F13A1: variants seen among roughly 807,000 people sequenced by gnomAD.
The protein encoded by F13A1 is FSF, A subunit.
Under a neutral mutation model 80.1 loss-of-function variants are expected in F13A1, and 47 were observed. The ratio of observed to expected loss-of-function variants is 0.59; its 90% CI spans 0.46 to 0.75. The LOEUF (loss-of-function observed/expected upper bound fraction) is 0.75. Ranked by LOEUF, F13A1 falls within the 30% of genes least tolerant of loss-of-function variation. The probability of loss-of-function intolerance (pLI) is 0.00; values close to 1 mark genes in which losing one functional copy is unlikely to be tolerated. For missense variants in F13A1, 817 were observed against 930.4 expected, an observed-to-expected ratio of 0.88 and a Z score of 1.59; for synonymous variants, 349 against 344.9, an observed-to-expected ratio of 1.01 and a Z score of -0.13.
intron 14 of F13A1, among the ~76,000 whole-genome samples, chr6:6,148,542 C>T (rs1222499393): frequency 6.6e-6 from 1 of 152,154 alleles, no homozygotes; most frequent in East Asian, 1.9e-4. Context: ...TGGAATTGCA[C>T]TTTCTAGGCG....
chr6:6,227,855 C>T (rs962587949), intron 6 of F13A1, among the ~76,000 whole-genome samples: 6 of 152,232 alleles, frequency 3.9e-5, no homozygotes, highest in African/African-American at 1.4e-4. Flanking sequence ...CTGAGCTGTT[C>T]CCCTGTTGCT....
intron 8 of F13A1, among the ~76,000 whole-genome samples, chr6:6,216,088 A>T (rs1178250546): frequency 3.3e-5 from 5 of 149,440 alleles, no homozygotes; most frequent in Admixed American, 3.3e-4. Flanking sequence ...TATCGTGAAA[A>T]TGGCCATACT....
intron 11 of F13A1, among the ~76,000 whole-genome samples, chr6:6,178,849 T>C (rs1255370485): frequency 6.6e-6 from 1 of 151,990 alleles, no homozygotes; most frequent in Admixed American, 6.5e-5. Context: ...CCAGGAAGTA[T>C]AGGAAGGTCA....
intron 8 of F13A1, among the ~76,000 whole-genome samples, chr6:6,217,063 C>A (rs1757103456): frequency 7.1e-6 from 1 of 141,344 alleles, no homozygotes; most frequent in East Asian, 2.1e-4. Flanking sequence ...AATAGGAACA[C>A]TTTTACACTA....
At chr6:6,253,305 G>C (rs555849343) in intron 4 of F13A1, among the ~76,000 whole-genome samples, 2 of 152,126 alleles carry the variant, frequency 1.3e-5, no homozygotes, top group Non-Finnish European at 2.9e-5. Flanking sequence ...GTAACTAGCA[G>C]TTCTTCCCTC....
At chr6:6,291,330 C>T (rs1297873514) in intron 3 of F13A1, among the ~76,000 whole-genome samples, 1 of 152,126 alleles carries the variant, frequency 6.6e-6, no homozygotes, top group African/African-American at 2.4e-5. Flanking sequence ...TCCCTCTCTG[C>T]CTGCTACATG....
At position 6,224,780 on chromosome 6, in the gene F13A1, C is replaced by T; in HGVS notation, c.879G>A (p.Trp293Ter). Residue 293 changes from tryptophan (W) to a stop codon, truncating the protein, a stop_gained, in exon 7 of 15, where the codon TGG (tryptophan) becomes TGA (stop). Coordinates refer to ENST00000264870, the MANE Select transcript of F13A1 (RefSeq NM_000129.4). LOFTEE classifies it high-confidence loss of function. ...CCAATAGAATGTCAACGCTTCCAGTCCAGGCCGATGGGGGGACGCCATAGG... is the reference window on the plus strand; with the variant it reads ...CCAATAGAATGTCAACGCTTCCAGTTCAGGCCGATGGGGGGACGCCATAGG... Reference protein sequence around the residue: ...IYAYGVPPSAWTGSVDILLEY... With the variant: ...IYAYGVPPSA 1.9e-6 allele frequency: 3 copies of T among 1,614,126 alleles called. No homozygotes were observed. Among genetic ancestry groups the T allele is most frequent in the Non-Finnish European group, 2.5e-6 (3 of 1,179,978 alleles).
chr6:6,304,622 G>A (rs964930353), intron 3 of F13A1, among the ~76,000 whole-genome samples: 7 of 152,134 alleles, frequency 4.6e-5, no homozygotes, highest in African/African-American at 1.4e-4. Context: ...AGCACTTTGG[G>A]AAGCTGAGGT....
At chr6:6,307,256 C>T (rs1263292156) in intron 2 of F13A1, among the ~76,000 whole-genome samples, 3 of 152,140 alleles carry the variant, frequency 2.0e-5, no homozygotes, top group Non-Finnish European at 2.9e-5. Context: ...TGCAGCATTA[C>T]GGCAAGCAGA....
chr6:6,285,838 A>G (rs550772857), intron 3 of F13A1, among the ~76,000 whole-genome samples: 132 of 152,364 alleles, frequency 8.7e-4, no homozygotes, highest in African/African-American at 2.8e-3. Flanking sequence ...CAGCTTCCCA[A>G]TAAAACCTCA....
chr6:6,201,584 G>A (rs768440308), intron 8 of F13A1, among the ~76,000 whole-genome samples: 1 of 152,314 alleles, frequency 6.6e-6, no homozygotes, highest in South Asian at 2.1e-4. Context: ...TAAGCCACCC[G>A]TGCCTCAAGA....
intron 8 of F13A1, among the ~76,000 whole-genome samples, chr6:6,207,540 A>T (rs183027486): frequency 2.0e-4 from 30 of 152,370 alleles, no homozygotes; most frequent in Non-Finnish European, 3.7e-4. Context: ...TCTGACATAG[A>T]TAGCCACAAA....
chr6:6,266,510 C>T (rs761764954), intron 4 of F13A1, 48 bp downstream of exon 4: 1 of 1,614,086 alleles, frequency 6.2e-7, no homozygotes, highest in East Asian at 2.2e-5. Context: ...TGGCACCCCG[C>T]CAAATAGGTG....
At chr6:6,219,650 G>T (rs569523393) in intron 8 of F13A1, among the ~76,000 whole-genome samples, 2 of 152,276 alleles carry the variant, frequency 1.3e-5, no homozygotes, top group South Asian at 2.1e-4. Flanking sequence ...GGGACAGCCC[G>T]CACTAACCTC....
chr6:6,286,807 AAG>A (rs1400033196), intron 3 of F13A1, among the ~76,000 whole-genome samples: 1 of 152,242 alleles, frequency 6.6e-6, no homozygotes, highest in African/African-American at 2.4e-5. Context: ...ACTGAGAAGA[AAG>A]AGGGTGAAGA....
At chr6:6,155,484 C>G (rs1051043466) in intron 13 of F13A1, among the ~76,000 whole-genome samples, 1 of 152,096 alleles carries the variant, frequency 6.6e-6, no homozygotes, top group African/African-American at 2.4e-5. Context: ...AGAAGCCCTT[C>G]TCTGGTTGTA....
At chr6:6,240,500 T>C (rs1030952244) in intron 6 of F13A1, among the ~76,000 whole-genome samples, 14 of 152,058 alleles carry the variant, frequency 9.2e-5, no homozygotes, top group African/African-American at 2.7e-4. Context: ...AAATAGAACA[T>C]TGTGTGTGAA....
At chr6:6,266,962 C>T (rs1032415300) in intron 3 of F13A1, among the ~76,000 whole-genome samples, 153 bp from the exon 4 acceptor site, 2 of 152,218 alleles carry the variant, frequency 1.3e-5, no homozygotes, top group Non-Finnish European at 2.9e-5. Context: ...CTGCAAATTA[C>T]TTTGATTGTA....
intron 6 of F13A1, among the ~76,000 whole-genome samples, chr6:6,232,587 C>T (rs1269551906): frequency 6.6e-6 from 1 of 152,110 alleles, no homozygotes; most frequent in Non-Finnish European, 1.5e-5. Flanking sequence ...TTAAACTATA[C>T]CTTGGAACAA....
Sources: allele counts gnomAD v4.1 joint callset (sites outside exome capture counted in the v4.1 genomes callset), GRCh38; gene constraint gnomAD v4.1.1; transcripts MANE v1.5; gene names NCBI Gene and HGNC (gene_info 2026-07-23, HGNC 2026-07-21).